The following ADGRL2 variants were observed in gnomAD, a reference collection of about 807,000 sequenced individuals.
The protein encoded by ADGRL2 is adhesion G protein-coupled receptor L2.
ADGRL2 carries 44 observed loss-of-function variants against 157.4 expected under a neutral mutation model. The ratio of observed to expected loss-of-function variants is 0.28; its 90% CI spans 0.22 to 0.36. ADGRL2 has a LOEUF of 0.36. ADGRL2 is among the 10% of genes least tolerant of loss of function. The pLI is 1.00. For missense variants in ADGRL2, 1,510 were observed against 1,768.9 expected (o/e 0.85, Z 2.63); for synonymous variants, 585 against 624.7 (o/e 0.94, Z 0.95).
intron 1 of ADGRL2, among the ~76,000 whole-genome samples, chr1:81,805,947 A>G (rs1280167290): frequency 2.0e-5 from 3 of 152,100 alleles, no homozygotes; most frequent in African/African-American, 7.2e-5. Flanking sequence ...AAATGTAGTG[A>G]AAAGAAGATT....
At chr1:81,815,141 A>G (rs1035887965) in intron 1 of ADGRL2, among the ~76,000 whole-genome samples, 1 of 151,806 alleles carries the variant, frequency 6.6e-6, no homozygotes, top group Admixed American at 6.6e-5. Flanking sequence ...TTACTTAATC[A>G]CTGAGTTTTT....
intron 2 of ADGRL2, among the ~76,000 whole-genome samples, chr1:81,862,639 A>G (rs535198554): frequency 5.6e-4 from 86 of 152,358 alleles, no homozygotes; most frequent in Non-Finnish European, 9.8e-4. Flanking sequence ...AACATGAGTA[A>G]GCCATTTTTT....
chr1:81,902,773 A>G (rs2094511292), intron 2 of ADGRL2, among the ~76,000 whole-genome samples: 1 of 152,146 alleles, frequency 6.6e-6, no homozygotes, highest in Admixed American at 6.5e-5. Flanking sequence ...TAATTGATTC[A>G]TGTTTATTTT....
chr1:81,483,934 T>C (rs1484508189), intron 2 of ADGRL2, among the ~76,000 whole-genome samples: 1 of 152,186 alleles, frequency 6.6e-6, no homozygotes, highest in Non-Finnish European at 1.5e-5. Context: ...TGAAAACAAT[T>C]GTGATGCAGT....
At chr1:81,793,274 T>C (rs1361212053) in intron 2 of ADGRL2, among the ~76,000 whole-genome samples, 4 of 152,150 alleles carry the variant, frequency 2.6e-5, no homozygotes, top group Non-Finnish European at 5.9e-5. Flanking sequence ...CTAACTTTTC[T>C]CATTACCCCA....
At chr1:81,834,239 A>C (rs1216092368) in intron 1 of ADGRL2, among the ~76,000 whole-genome samples, 4 of 152,208 alleles carry the variant, frequency 2.6e-5, no homozygotes, top group African/African-American at 7.2e-5. Flanking sequence ...TCTAAAAATC[A>C]AAAGAAAGTT....
chr1:81,436,125 A>G (rs1333248802), intron 1 of ADGRL2, among the ~76,000 whole-genome samples: 1 of 152,178 alleles, frequency 6.6e-6, no homozygotes, highest in Non-Finnish European at 1.5e-5. Context: ...ATACATCTTC[A>G]AAAGGAAAGT....
intron 2 of ADGRL2, among the ~76,000 whole-genome samples, chr1:81,906,668 T>C (rs575805244): frequency 6.6e-6 from 1 of 152,210 alleles, no homozygotes; most frequent in Admixed American, 6.5e-5. Context: ...ATGAAAATTC[T>C]TTCTTGATTA....
chr1:81,907,118 A>G lies in ADGRL2; in HGVS notation c.175A>G (p.Ile59Val), dbSNP rs142992362. 3.2e-4 allele frequency: 522 copies of G among 1,614,118 alleles called. No homozygotes were observed. Among genetic ancestry groups the G allele is most frequent in the Non-Finnish European group, 3.6e-4 (419 of 1,180,002 alleles). The change falls in exon 3 of 24, where the codon ATT becomes GTT. Residue 59 changes from isoleucine (I) to valine (V), a missense_variant. Physicochemically the swap from Ile to Val is conservative, Grantham distance 29. This residue lies in a region of ADGRL2 where 361 missense variants were observed against 498.4 expected (regional missense o/e 0.72). Coordinates refer to ENST00000686636, the MANE Select transcript of ADGRL2 (RefSeq NM_001366006.2). ...LRCPGSDVIM[I>V]ESANYGRTDD... The stretch of plus-strand genomic sequence containing the variant: ...ATGCCCGGGCAGTGATGTCATCATG[A>G]TTGAGAGCGCTAACTATGGTCGGAC...
At chr1:81,371,747 T>C (rs1164431194) in intron 1 of ADGRL2, among the ~76,000 whole-genome samples, 1 of 152,194 alleles carries the variant, frequency 6.6e-6, no homozygotes, top group African/African-American at 2.4e-5. Context: ...AGAAAAATTA[T>C]GCACTTCATC....
rs115539063 is a variant in ADGRL2, at chr1:81,463,081, T to C, written c.-248+17992T>C. On this transcript the variant is annotated intron_variant, in intron 2 of 24. Transcript: ENST00000370721. ...AGTGAGCTGTGATTGCACCACTGCA[T>C]TCCGGCCTGGGCAATAGAGTGAGAC... is the stretch of plus-strand genomic sequence containing the variant. Among the ~76,000 whole-genome samples the C allele has an allele frequency of 2.5e-3, 353 of 140,246 alleles. 2 individuals are homozygous for C. Among genetic ancestry groups the C allele is most frequent in the African/African-American group, 9.0e-3 (340 of 37,792 alleles). 92.0% of individuals were successfully genotyped at this position (140,246 alleles called of 152,430 possible). A position where few individuals can be genotyped will look rare whatever the true frequency, so the allele number is the denominator to read the frequency against.
chr1:81,808,809 G>A (rs1449079347), intron 1 of ADGRL2, among the ~76,000 whole-genome samples: 1 of 152,028 alleles, frequency 6.6e-6, no homozygotes, highest in Non-Finnish European at 1.5e-5. Context: ...CTGGGCACCT[G>A]TTTTATTACC....
At chr1:81,811,780 T>G (rs2089897786) in intron 1 of ADGRL2, among the ~76,000 whole-genome samples, 1 of 151,790 alleles carries the variant, frequency 6.6e-6, no homozygotes, top group African/African-American at 2.4e-5. Context: ...CATTTAAAAT[T>G]GATCTTTTAT....
chr1:81,700,855 C>T (rs1171882119), intron 1 of ADGRL2, among the ~76,000 whole-genome samples: 1 of 152,198 alleles, frequency 6.6e-6, no homozygotes, highest in African/African-American at 2.4e-5. Context: ...AGAGTGATGA[C>T]TTCATAGGAA....
intron 1 of ADGRL2, among the ~76,000 whole-genome samples, chr1:81,318,385 T>G (rs1660257062): frequency 6.6e-6 from 1 of 152,192 alleles, no homozygotes; most frequent in African/African-American, 2.4e-5. Context: ...AAGTCTAAAG[T>G]CAGGCTGTGC....
At chr1:81,424,243 G>C (rs1333698708) in intron 1 of ADGRL2, among the ~76,000 whole-genome samples, 3 of 152,150 alleles carry the variant, frequency 2.0e-5, no homozygotes, top group Admixed American at 6.5e-5. Flanking sequence ...GTGTTTTCCC[G>C]ACAGCTGTAT....
intron 1 of ADGRL2, among the ~76,000 whole-genome samples, chr1:81,402,331 AC>A (rs914494281): frequency 2.0e-5 from 3 of 152,130 alleles, no homozygotes; most frequent in African/African-American, 7.2e-5. Flanking sequence ...CCTGCTGGGT[AC>A]AGAAACTTCT....
intron 1 of ADGRL2, among the ~76,000 whole-genome samples, chr1:81,425,442 G>T (rs879589479): frequency 1.4e-4 from 22 of 152,200 alleles, no homozygotes; most frequent in Non-Finnish European, 2.9e-5. Context: ...CGTGCATTAG[G>T]TACACTTGGG....
chr1:81,695,552 G>T (rs1447090968), upstream of ADGRL2, among the ~76,000 whole-genome samples: 2 of 152,144 alleles, frequency 1.3e-5, no homozygotes, highest in African/African-American at 4.8e-5. Flanking sequence ...GGGTATGGTG[G>T]CTCATGCCTA....
Sources: allele counts gnomAD v4.1 joint callset (sites outside exome capture counted in the v4.1 genomes callset), GRCh38; gene constraint gnomAD v4.1.1; regional missense constraint gnomAD v4.1.1; transcripts MANE v1.5; gene names NCBI Gene and HGNC (gene_info 2026-07-23, HGNC 2026-07-21).